ANKRD44: variants seen among roughly 807,000 people sequenced by gnomAD.
ANKRD44 encodes ankyrin repeat domain 44, also known as serine/threonine-protein phosphatase 6 regulatory ankyrin repeat subunit B.
In ANKRD44, 35 loss-of-function variants were observed where a neutral mutation model predicts 116.0. That is an observed-to-expected ratio of 0.30 (90% CI 0.23 to 0.40). The LOEUF is 0.40. Among genes scored for constraint, ANKRD44 ranks in the 10% least tolerant of loss-of-function variants. The pLI is 1.00. For synonymous variants in ANKRD44, 435 were observed against 461.8 expected, an observed-to-expected ratio of 0.94 and a Z score of 0.74; for missense variants, 1,014 against 1,242.6, an observed-to-expected ratio of 0.82 and a Z score of 2.77.
chr2:197,040,672 C>T (rs558021621), intron 16 of ANKRD44, among the ~76,000 whole-genome samples: 6 of 152,016 alleles, frequency 3.9e-5, no homozygotes, highest in South Asian at 2.1e-4. Context: ...CCACTGTGCC[C>T]GGCCTGTTTC....
rs751798283 is a variant in ANKRD44, at chr2:197,138,360, G to A, written c.191-1698C>T. Among the ~76,000 whole-genome samples the A allele has an allele frequency of 2.0e-5, 3 of 152,320 alleles. No homozygotes were observed. In the South Asian group the frequency reaches 6.2e-4, roughly 32 times the overall value. ...CACAAAGAACCATCACCTAGAGACT[G>A]TAGAAATACATATCTTTTTAAGAGC... On this transcript the variant is annotated intron_variant, in intron 3 of 27. Coordinates refer to ENST00000282272, the MANE Select transcript of ANKRD44 (RefSeq NM_001195144.2).
intron 1 of ANKRD44, among the ~76,000 whole-genome samples, chr2:197,305,555 G>GT: frequency 6.6e-6 from 1 of 151,900 alleles, no homozygotes; most frequent in East Asian, 1.9e-4. Flanking sequence ...TTTTGAGTTC[G>GT]TATTTGCTCT....
chr2:197,151,644 A>G (rs1038133058), intron 2 of ANKRD44, among the ~76,000 whole-genome samples: 11 of 152,360 alleles, frequency 7.2e-5, no homozygotes, highest in Admixed American at 3.3e-4. Flanking sequence ...CAGCCATATT[A>G]TCTAGACATA....
At chr2:197,214,821 C>T (rs917744477) in intron 1 of ANKRD44, among the ~76,000 whole-genome samples, 18 of 152,178 alleles carry the variant, frequency 1.2e-4, no homozygotes, top group African/African-American at 4.3e-4. Flanking sequence ...CAAATAGATG[C>T]TCCAAGGCAG....
chr2:197,190,411 C>T (rs1014213007), intron 1 of ANKRD44, among the ~76,000 whole-genome samples: 2 of 152,160 alleles, frequency 1.3e-5, no homozygotes, highest in East Asian at 1.9e-4. Context: ...TCACAGATAA[C>T]GTGCTTTGCT....
intron 10 of ANKRD44, among the ~76,000 whole-genome samples, chr2:197,092,679 G>A (rs2078068822): frequency 6.6e-6 from 1 of 152,138 alleles, no homozygotes; most frequent in Non-Finnish European, 1.5e-5. Flanking sequence ...ATGTGGAGGA[G>A]AACTGCTTGT....
chr2:197,213,280 C>T (rs539570033), intron 1 of ANKRD44, among the ~76,000 whole-genome samples: 8 of 152,306 alleles, frequency 5.3e-5, no homozygotes, highest in South Asian at 4.1e-4. Flanking sequence ...GTTACACAAG[C>T]GGTCTATAAA....
intron 1 of ANKRD44, among the ~76,000 whole-genome samples, chr2:197,228,362 T>C (rs2081769998): frequency 6.6e-6 from 1 of 152,234 alleles, no homozygotes; most frequent in Non-Finnish European, 1.5e-5. Context: ...ATGGTCATCA[T>C]TACTCTACCT....
intron 16 of ANKRD44, among the ~76,000 whole-genome samples, chr2:197,047,063 C>T (rs941987106): frequency 6.6e-6 from 1 of 151,080 alleles, no homozygotes. Flanking sequence ...TTGTCACACA[C>T]GCTAGAGTGC....
chr2:197,057,923 T>C (rs1456348719), intron 16 of ANKRD44, among the ~76,000 whole-genome samples: 3 of 152,184 alleles, frequency 2.0e-5, no homozygotes, highest in Admixed American at 2.0e-4. Context: ...TTTCTTTGTC[T>C]GAATAATGGA....
At chr2:196,999,522 G>A (rs975855278) in intron 23 of ANKRD44, among the ~76,000 whole-genome samples, 1 of 151,480 alleles carries the variant, frequency 6.6e-6, no homozygotes, top group Non-Finnish European at 1.5e-5. Context: ...TCCACTTCTA[G>A]GTATTTATCT....
chr2:197,287,961 A>G (rs1049705964), intron 1 of ANKRD44, among the ~76,000 whole-genome samples: 1 of 141,742 alleles, frequency 7.1e-6, no homozygotes, highest in Non-Finnish European at 1.5e-5. Flanking sequence ...CAGAGGTTGC[A>G]GTGGGCCGAG....
intron 21 of ANKRD44, among the ~76,000 whole-genome samples, chr2:196,975,154 A>G (rs1420052082): frequency 6.6e-6 from 1 of 152,198 alleles, no homozygotes; most frequent in African/African-American, 2.4e-5. Flanking sequence ...TTACAGCAAC[A>G]TAAAGGATTA....
In ANKRD44 at chr2:197,201,558, C is replaced by G. The variant is rs1260167731; in HGVS notation, c.28-14452G>C. ...TCACCAACAATCCCCCTGACGTTGG[C>G]TCTGAATGATGTGGAGACCCTGTTA... is the stretch of plus-strand genomic sequence containing the variant. On this transcript the variant is annotated intron_variant, in intron 1 of 27. Coordinates refer to ENST00000282272, the MANE Select transcript of ANKRD44 (RefSeq NM_001195144.2). This position sits in a 1 kb window ranked among gnomAD's most constrained non-coding sequence, Gnocchi z 4.0. Among the ~76,000 whole-genome samples the G allele has an allele frequency of 6.6e-6, 1 of 152,184 alleles. No individual in the cohort carries two copies. The highest frequency in any genetic ancestry group is 1.5e-5 in the Non-Finnish European group (1 of 68,020).
At chr2:196,997,224 T>C (rs1475727373) in intron 25 of ANKRD44, among the ~76,000 whole-genome samples, 1 of 151,846 alleles carries the variant, frequency 6.6e-6, no homozygotes, top group Non-Finnish European at 1.5e-5. Context: ...ACTGAACTTG[T>C]ACTAACATAT....
chr2:196,993,334 A>G (rs1356749459), intron 27 of ANKRD44, among the ~76,000 whole-genome samples: 1 of 152,214 alleles, frequency 6.6e-6, no homozygotes. Context: ...CACTGTGCTG[A>G]GGAGTTAGAG....
At chr2:197,143,246 A>G (rs554004630) in intron 3 of ANKRD44, among the ~76,000 whole-genome samples, 1 of 150,128 alleles carries the variant, frequency 6.7e-6, no homozygotes, top group Non-Finnish European at 1.5e-5. Context: ...CATGTGCACA[A>G]TGTGCAGGTT....
chr2:197,110,733 G>A lies in ANKRD44; in HGVS notation c.985+33C>T, dbSNP rs553063666. ...GCCAAATTCACAACAAGAAACTATC[G>A]AAATAATGACACTACTGAAGCATCT... On this transcript the variant is annotated intron_variant, in intron 9 of 27. Transcript: ENST00000282272. 53 of 1,577,766 alleles carry A rather than the reference G, an allele frequency of 3.4e-5. 2 individuals are homozygous for A. Among genetic ancestry groups the A allele is most frequent in the South Asian group, 3.3e-4 (30 of 90,200 alleles).
intron 18 of ANKRD44, among the ~76,000 whole-genome samples, chr2:197,010,615 T>G (rs773641921): frequency 2.6e-5 from 4 of 151,992 alleles, no homozygotes; most frequent in African/African-American, 4.9e-5. Flanking sequence ...GTAAGCTGCT[T>G]TCTGCCAGGC....
Sources: allele counts gnomAD v4.1 joint callset (sites outside exome capture counted in the v4.1 genomes callset), GRCh38; gene constraint gnomAD v4.1.1; non-coding constraint Gnocchi (gnomAD v3.1); transcripts MANE v1.5; gene names NCBI Gene and HGNC (gene_info 2026-07-23, HGNC 2026-07-21).